Variants in CHMP3 observed in about 807,000 individuals in gnomAD.
CHMP3 encodes 25.1 protein.
CHMP3 carries 8 observed loss-of-function variants against 27.4 expected under a neutral mutation model. The ratio of observed to expected loss-of-function variants is 0.29; its 90% CI spans 0.17 to 0.53. The LOEUF is 0.53. CHMP3 is among the 20% of genes least tolerant of loss of function. The pLI is 0.96. For synonymous variants in CHMP3, 86 were observed against 85.5 expected, an observed-to-expected ratio of 1.01 and a Z score of -0.03; for missense variants, 208 against 271.5, an observed-to-expected ratio of 0.77 and a Z score of 1.64.
intron 1 of CHMP3, among the ~76,000 whole-genome samples, chr2:86,549,397 C>T (rs1676774934): frequency 6.8e-6 from 1 of 146,854 alleles, no homozygotes; most frequent in African/African-American, 2.6e-5. Context: ...AGAGGCACTC[C>T]TCCCTTCCCA....
intron 1 of CHMP3, among the ~76,000 whole-genome samples, chr2:86,553,507 T>C (rs1676993527): frequency 6.6e-6 from 1 of 152,150 alleles, no homozygotes; most frequent in Non-Finnish European, 1.5e-5. Flanking sequence ...AATTTTTGTA[T>C]TTTTAGTAGA....
chr2:86,506,735 G>A (rs1674904223), intron 5 of CHMP3, among the ~76,000 whole-genome samples: 1 of 148,338 alleles, frequency 6.7e-6, no homozygotes, highest in East Asian at 2.0e-4. Context: ...AGTCTCCCAA[G>A]CAGCTGGGAC....
Position 86,505,767 on chromosome 2 carries a change from A to G in CHMP3, c.*37T>C. On this transcript the variant is annotated 3_prime_UTR_variant, in exon 6 of 6. Coordinates refer to ENST00000263856, the MANE Select transcript of CHMP3 (RefSeq NM_016079.4). ...GAGACACATAAAATGGCAGCTCTTG[A>G]GAGGAGTGTGTGCACACCCAGCGGG... 1 of 1,494,328 alleles carries G rather than the reference A, an allele frequency of 6.7e-7. No homozygotes were observed. The highest frequency in any genetic ancestry group is 9.0e-7 in the Non-Finnish European group (1 of 1,115,396). 92.6% of individuals were successfully genotyped at this position (1,494,328 alleles called of 1,614,324 possible).
At chr2:86,531,899 A>C (rs1164681787) in intron 2 of CHMP3, among the ~76,000 whole-genome samples, 3 of 152,124 alleles carry the variant, frequency 2.0e-5, no homozygotes, top group African/African-American at 7.2e-5. Context: ...TGAGTTGTTA[A>C]ACTTTCTTTT....
At chr2:86,533,445 G>C (rs1025307055) in intron 2 of CHMP3, among the ~76,000 whole-genome samples, 2 of 151,584 alleles carry the variant, frequency 1.3e-5, no homozygotes, top group African/African-American at 2.4e-5. Flanking sequence ...CCTTCTGCTA[G>C]ATTTGGGTTG....
chr2:86,554,700 T>G (rs1482841350), intron 1 of CHMP3, among the ~76,000 whole-genome samples: 1 of 152,106 alleles, frequency 6.6e-6, no homozygotes, highest in East Asian at 1.9e-4. Context: ...GTACATAGCC[T>G]AAAGAAACTC....
intron 1 of CHMP3, 108 bp downstream of exon 1, chr2:86,563,196 C>A: frequency 7.4e-7 from 1 of 1,354,328 alleles, no homozygotes; most frequent in Non-Finnish European, 1.0e-6. Flanking sequence ...GAAATGGGGG[C>A]CGGGCGGTAT....
chr2:86,535,994 CTTT>C (rs60555193), intron 2 of CHMP3, among the ~76,000 whole-genome samples: 3 of 111,542 alleles, frequency 2.7e-5, no homozygotes, highest in African/African-American at 3.5e-5. Context: ...ATAAACCTTT[CTTT>C]TTTTTTTTTT....
chr2:86,562,553 A>G (rs1677414953), intron 1 of CHMP3, among the ~76,000 whole-genome samples: 1 of 152,294 alleles, frequency 6.6e-6, no homozygotes, highest in Non-Finnish European at 1.5e-5. Flanking sequence ...TGACACTACT[A>G]TTATTCTGGC....
intron 3 of CHMP3, among the ~76,000 whole-genome samples, chr2:86,514,206 A>C (rs924076667): frequency 1.3e-5 from 2 of 152,254 alleles, no homozygotes; most frequent in African/African-American, 4.8e-5. Flanking sequence ...AGCTCGAAGC[A>C]GGGACAGGCA....
intron 2 of CHMP3, among the ~76,000 whole-genome samples, chr2:86,535,732 C>T (rs1439056846): frequency 2.0e-5 from 3 of 152,168 alleles, no homozygotes; most frequent in African/African-American, 7.2e-5. Context: ...TCTCGAACTC[C>T]TGGCCTTAGG....
At chr2:86,553,100 C>T (rs777649991) in intron 1 of CHMP3, among the ~76,000 whole-genome samples, 23 of 151,646 alleles carry the variant, frequency 1.5e-4, no homozygotes, top group Non-Finnish European at 2.4e-4. Context: ...GGCTTAATAC[C>T]TAGGTGATGG....
At chr2:86,553,887 A>G (rs1677008881) in intron 1 of CHMP3, among the ~76,000 whole-genome samples, 1 of 152,242 alleles carries the variant, frequency 6.6e-6, no homozygotes, top group African/African-American at 2.4e-5. Context: ...ATCAAATAAT[A>G]GCAAAGTGCT....
chr2:86,528,235 C>G (rs1244380812), intron 3 of CHMP3, among the ~76,000 whole-genome samples: 1 of 152,190 alleles, frequency 6.6e-6, no homozygotes, highest in East Asian at 1.9e-4. Flanking sequence ...TAAATTAAAA[C>G]ACTTCATCTT....
At chr2:86,547,111 C>A (rs1448695025) in intron 1 of CHMP3, among the ~76,000 whole-genome samples, 1 of 152,158 alleles carries the variant, frequency 6.6e-6, no homozygotes, top group Non-Finnish European at 1.5e-5. Context: ...TGCACAGAAC[C>A]CTATACCCCC....
chr2:86,529,326 A>T lies in CHMP3; in HGVS notation c.178T>A (p.Cys60Ser). 6.2e-7 allele frequency: 1 copy of T among 1,613,298 alleles called. No homozygotes were observed. The highest frequency in any genetic ancestry group is 8.5e-7 in the Non-Finnish European group (1 of 1,179,692). Reference sequence around the variant, plus strand: ...ATCATCTCCTTGGCCAGAACTATGCAGACATCCTTCTGGCCCTTCTTGGCA... The same window carrying T: ...ATCATCTCCTTGGCCAGAACTATGCTGACATCCTTCTGGCCCTTCTTGGCA... ...DAAKKGQKDV[C>S]IVLAKEMIRS... The change falls in exon 3 of 6, where the codon TGC becomes AGC. Residue 60 changes from cysteine to serine, a missense_variant. Coordinates refer to ENST00000263856, the MANE Select transcript of CHMP3 (RefSeq NM_016079.4).
chr2:86,514,477 C>T (rs1250939187), intron 3 of CHMP3, among the ~76,000 whole-genome samples: 1 of 152,144 alleles, frequency 6.6e-6, no homozygotes, highest in Non-Finnish European at 1.5e-5. Context: ...ATAGACTGTA[C>T]AAACCCATTA....
At chr2:86,560,917 A>T (rs1677332503) in intron 1 of CHMP3, among the ~76,000 whole-genome samples, 1 of 152,092 alleles carries the variant, frequency 6.6e-6, no homozygotes, top group Non-Finnish European at 1.5e-5. Context: ...AGAACTCACT[A>T]TCTCAAGGAC....
intron 2 of CHMP3, among the ~76,000 whole-genome samples, chr2:86,539,392 T>C (rs1371916464): frequency 6.6e-6 from 1 of 152,144 alleles, no homozygotes; most frequent in Non-Finnish European, 1.5e-5. Context: ...ACAGGTGATA[T>C]CAGAGTTTAA....
Sources: allele counts gnomAD v4.1 joint callset (sites outside exome capture counted in the v4.1 genomes callset), GRCh38; gene constraint gnomAD v4.1.1; transcripts MANE v1.5; gene names NCBI Gene and HGNC (gene_info 2026-07-23, HGNC 2026-07-21).